Variants in ETF1 observed in about 807,000 individuals in gnomAD.
ETF1 encodes the protein eukaryotic translation termination factor 1.
In ETF1, 4 loss-of-function variants were observed where a neutral mutation model predicts 55.1. The ratio of observed to expected loss-of-function variants is 0.07; its 90% CI spans 0.04 to 0.17. ETF1 has a LOEUF of 0.17. ETF1 is among the 10% of genes least tolerant of loss of function. The pLI is 1.00. For synonymous variants in ETF1, 157 were observed against 182.3 expected (o/e 0.86, Z 1.12); for missense variants, 142 against 523.6 (o/e 0.27, Z 7.11).
intron 3 of ETF1, among the ~76,000 whole-genome samples, chr5:138,518,284 C>T (rs2127083147): frequency 1.3e-5 from 2 of 151,914 alleles, no homozygotes; most frequent in South Asian, 4.2e-4. Context: ...GATCGTGGCT[C>T]ACTGCAACTC....
intron 2 of ETF1, among the ~76,000 whole-genome samples, chr5:138,525,720 T>A (rs556389102): frequency 9.0e-4 from 137 of 151,402 alleles, no homozygotes; most frequent in Admixed American, 1.7e-3. Flanking sequence ...CCGAGGCGGG[T>A]GGATCACCTG....
chr5:138,514,889 T>C (rs1032985963), intron 4 of ETF1, among the ~76,000 whole-genome samples: 2 of 152,216 alleles, frequency 1.3e-5, no homozygotes, highest in African/African-American at 4.8e-5. Flanking sequence ...ACACACTTAG[T>C]TGATCTCTAA....
intron 2 of ETF1, among the ~76,000 whole-genome samples, chr5:138,529,354 G>A (rs557358250): frequency 2.6e-5 from 4 of 152,110 alleles, no homozygotes; most frequent in Non-Finnish European, 4.4e-5. Context: ...ACCCTTCAGG[G>A]GAAAATGAAA....
At chr5:138,514,760 T>G (rs777421632) in intron 4 of ETF1, among the ~76,000 whole-genome samples, 7 of 152,072 alleles carry the variant, frequency 4.6e-5, no homozygotes, top group Admixed American at 2.0e-4. Flanking sequence ...CTGAGTTTTA[T>G]GAGGAAAACC....
At chr5:138,513,478 A>G (rs780407650) in intron 5 of ETF1, 90 bp downstream of exon 5, 52 of 1,150,406 alleles carry the variant, frequency 4.5e-5, no homozygotes, top group Non-Finnish European at 7.6e-6. Flanking sequence ...TGCTGGGATT[A>G]CAGGCGTGAG....
intron 4 of ETF1, among the ~76,000 whole-genome samples, chr5:138,516,237 G>C (rs1200351882): frequency 1.3e-5 from 2 of 152,166 alleles, no homozygotes; most frequent in African/African-American, 2.4e-5. Flanking sequence ...TAACTGGACT[G>C]CTTGTAACAC....
intron 8 of ETF1, 40 bp downstream of exon 8, chr5:138,511,005 C>A: frequency 6.3e-7 from 1 of 1,599,464 alleles, no homozygotes; most frequent in Non-Finnish European, 8.5e-7. Flanking sequence ...GGCTTCCTGG[C>A]TCAGTAACAA....
intron 2 of ETF1, among the ~76,000 whole-genome samples, chr5:138,521,855 G>A (rs1185665330): frequency 6.6e-6 from 1 of 152,132 alleles, no homozygotes; most frequent in Non-Finnish European, 1.5e-5. Context: ...TTTAGAGCAT[G>A]CACTTCCCCA....
At chr5:138,542,095 T>A (rs957044127) in intron 2 of ETF1, among the ~76,000 whole-genome samples, 1 of 152,170 alleles carries the variant, frequency 6.6e-6, no homozygotes, top group Non-Finnish European at 1.5e-5. Flanking sequence ...ACTCTGTAGT[T>A]ATGATTCCTA....
chr5:138,509,169 A>G, intron 9 of ETF1: 2 of 985,390 alleles, frequency 2.0e-6, no homozygotes, highest in Non-Finnish European at 2.4e-6. Context: ...ACATTCCAGG[A>G]CTGCTTTTGG....
Position 138,513,597 on chromosome 5 carries a change from T to C in ETF1, c.512A>G (p.Lys171Arg). 3 of 1,609,256 alleles carry C rather than the reference T, an allele frequency of 1.9e-6. No homozygotes were observed. The highest frequency in any genetic ancestry group is 1.3e-5 in the African/African-American group (1 of 74,996). Residue 171 changes from lysine (K) to arginine (R), a missense_variant, in exon 5 of 11, where the codon AAA becomes AGA. By Grantham distance (26) the Lys-to-Arg change is conservative. Transcript: ENST00000360541. ...TTTCTTTGGGAGATCCACAGTGAAT[T>C]TGTGCAGGACTTCTCTTGTGTTTCC... is the stretch of plus-strand genomic sequence containing the variant. Reference protein sequence around the residue: ...LQGNTREVLHKFTVDLPKKHG... With the variant: ...LQGNTREVLHRFTVDLPKKHG...
intron 6 of ETF1, among the ~76,000 whole-genome samples, chr5:138,512,223 A>AAAAAAAT (rs1764821867): frequency 5.5e-5 from 1 of 18,140 alleles, no homozygotes; most frequent in Non-Finnish European, 9.5e-5. Context: ...AAAAAAAAAA[A>AAAAAAAT]AAATATATAT....
chr5:138,516,920 T>C (rs554289159), intron 4 of ETF1, among the ~76,000 whole-genome samples: 161 of 152,254 alleles, frequency 1.1e-3, no homozygotes, highest in Non-Finnish European at 1.7e-3. Flanking sequence ...CGAGAAGCTA[T>C]ATAAAATATG....
At chr5:138,530,971 C>A (rs1193189553) in intron 2 of ETF1, among the ~76,000 whole-genome samples, 3 of 152,348 alleles carry the variant, frequency 2.0e-5, no homozygotes, top group East Asian at 3.9e-4. Context: ...CAAGCCTCCA[C>A]AACCTCACCT....
rs1764562106 is a variant in ETF1, at chr5:138,506,475, G to A, written c.*1830C>T. 1 of 152,564 alleles carries A rather than the reference G, an allele frequency of 6.6e-6. No homozygotes were observed. The highest frequency in any genetic ancestry group is 1.5e-5 in the Non-Finnish European group (1 of 68,026). The allele number at this position is 152,564 out of a possible 1,614,324, so 9.5% of individuals were successfully genotyped here. ...TCTCTGGTCTTGTCATATCACATCA[G>A]ACCCATTTACAATGGCAAAACCCTA... is the stretch of plus-strand genomic sequence containing the variant. On this transcript the variant is annotated 3_prime_UTR_variant, in exon 11 of 11. Coordinates refer to ENST00000360541, the MANE Select transcript of ETF1 (RefSeq NM_004730.4).
In ETF1 at chr5:138,541,389, A is replaced by T. The variant is rs1766165801; in HGVS notation, c.86+1444T>A. The T allele has an allele frequency of 2.2e-5, 14 of 639,734 alleles. No individual in the cohort carries two copies. The Middle Eastern group carries it at 2.2e-3, about 102-fold the overall frequency. The allele number at this position is 639,734 out of a possible 1,614,324, so 39.6% of individuals were successfully genotyped here. A position where few individuals can be genotyped will look rare whatever the true frequency, so the allele number is the denominator to read the frequency against. ...AGCCGCTGTCTTCGATTCATATTAA[A>T]CTAACGTTTCTCCAGTAAACCGAAG... On this transcript the variant is annotated intron_variant, in intron 2 of 10. Transcript: ENST00000360541.
At chr5:138,539,302 G>T (rs1437658628) in intron 2 of ETF1, among the ~76,000 whole-genome samples, 1 of 152,114 alleles carries the variant, frequency 6.6e-6, no homozygotes, top group African/African-American at 2.4e-5. Flanking sequence ...CATTATTTCT[G>T]AGGCCACCTC....
At chr5:138,525,620 G>A (rs1765435671) in intron 2 of ETF1, among the ~76,000 whole-genome samples, 3 of 152,136 alleles carry the variant, frequency 2.0e-5, no homozygotes, top group African/African-American at 7.2e-5. Context: ...GGCAAAGGCT[G>A]ATCTGATATG....
intron 2 of ETF1, among the ~76,000 whole-genome samples, chr5:138,523,034 A>C (rs947079968): frequency 2.1e-5 from 3 of 146,304 alleles, no homozygotes; most frequent in East Asian, 4.0e-4. Flanking sequence ...AACAAACAAA[A>C]AAACCCTTAC....
Sources: gnomAD v4.1 joint callset for allele counts (sites outside exome capture counted in the v4.1 genomes callset) on GRCh38, gnomAD v4.1.1 for gene constraint, MANE v1.5 for transcripts, NCBI Gene and HGNC (gene_info 2026-07-23, HGNC 2026-07-21) for gene names.